The following BCAR3 variants were observed in gnomAD, a reference collection of about 807,000 sequenced individuals.
BCAR3 encodes breast cancer anti-estrogen resistance protein 3.
Under a neutral mutation model 80.1 loss-of-function variants are expected in BCAR3, and 37 were observed. The ratio of observed to expected loss-of-function variants is 0.46; its 90% confidence interval spans 0.36 to 0.61. The LOEUF is 0.61. BCAR3 is among the 20% of genes least tolerant of loss of function. The pLI is 0.00. For missense variants in BCAR3, 978 were observed against 1,068.2 expected, an observed-to-expected ratio of 0.92 and a Z score of 1.18; for synonymous variants, 389 against 418.9, an observed-to-expected ratio of 0.93 and a Z score of 0.87.
intron 3 of BCAR3, among the ~76,000 whole-genome samples, chr1:93,618,620 A>C (rs1257034465): frequency 6.6e-6 from 1 of 152,212 alleles, no homozygotes; most frequent in Non-Finnish European, 1.5e-5. Flanking sequence ...ACTACCACCT[A>C]GTTCCTGGTG....
At chr1:93,674,553 A>G in intron 2 of BCAR3, 61 bp downstream of exon 2, 1 of 1,565,480 alleles carries the variant, frequency 6.4e-7, no homozygotes, top group Non-Finnish European at 8.7e-7. Flanking sequence ...CCCGGCCATA[A>G]AAACCTTTTA....
At chr1:93,660,470 C>T (rs142259276) in intron 2 of BCAR3, among the ~76,000 whole-genome samples, 231 of 152,298 alleles carry the variant, frequency 1.5e-3, no homozygotes, top group African/African-American at 5.2e-3. Context: ...ACCATAGGGC[C>T]ATTTCTATCT....
chr1:93,845,502 A>ATCTATATCTATATCTCATGTTGTCAAG lies in BCAR3; in HGVS notation c.-63+64_-63+65insCTTGACAACATGAGATATAGATATAGA. On this transcript the variant is annotated intron_variant, in intron 2 of 13. Transcript: ENST00000370244. ...TATATATATATATATATATATATATAAAACTTTGTTTACATTAGAGTATAA... is the reference window on the plus strand; with the variant it reads ...TATATATATATATATATATATATATATCTATATCTATATCTCATGTTGTCAAGAAACTTTGTTTACATTAGAGTATAA... 1.1e-4 allele frequency: 13 copies of ATCTATATCTATATCTCATGTTGTCAAG among 113,822 alleles called. 2 individuals carry two copies. The highest frequency in any genetic ancestry group is 4.7e-3 in the Middle Eastern group (1 of 212). The allele number at this position is 113,822 out of a possible 1,614,324, so 7.1% of individuals were successfully genotyped here. A position where few individuals can be genotyped will look rare whatever the true frequency, so the allele number is the denominator to read the frequency against.
chr1:93,774,058 G>A lies in BCAR3; in HGVS notation c.-62-67916C>T, dbSNP rs186548976. Among the ~76,000 whole-genome samples the A allele has an allele frequency of 7.2e-5, 11 of 152,236 alleles. No individual in the cohort carries two copies. The East Asian group carries it at 1.2e-3, about 16-fold the overall frequency. ...TTAAAGTAAGCATATGCTTGTCTTC[G>A]AATAACTATCAATTGGCCACATTTC... On this transcript the variant is annotated intron_variant, in intron 2 of 13. Transcript: ENST00000370244.
At chr1:93,622,955 T>C (rs543380112) in intron 3 of BCAR3, among the ~76,000 whole-genome samples, 55 of 152,246 alleles carry the variant, frequency 3.6e-4, no homozygotes, top group African/African-American at 1.3e-3. Flanking sequence ...TGGGTAACTA[T>C]CCAGGAACAC....
chr1:93,827,427 A>T (rs867026306), intron 2 of BCAR3, among the ~76,000 whole-genome samples: 1 of 152,094 alleles, frequency 6.6e-6, no homozygotes, highest in Admixed American at 6.5e-5. Flanking sequence ...GACTTTACAT[A>T]GCAGGGGAGT....
intron 3 of BCAR3, among the ~76,000 whole-genome samples, chr1:93,610,862 C>T (rs929575264): frequency 6.6e-6 from 1 of 151,298 alleles, no homozygotes; most frequent in East Asian, 1.9e-4. Flanking sequence ...CAGGAGAAGG[C>T]GGAGGTTGTA....
chr1:93,570,658 G>A (rs1380166862), intron 9 of BCAR3, among the ~76,000 whole-genome samples: 1 of 152,212 alleles, frequency 6.6e-6, no homozygotes, highest in African/African-American at 2.4e-5. Context: ...TCTGTTTTAG[G>A]TGACCTGAGA....
At chr1:93,692,352 A>C (rs546741532) in intron 3 of BCAR3, among the ~76,000 whole-genome samples, 1 of 152,368 alleles carries the variant, frequency 6.6e-6, no homozygotes, top group South Asian at 2.1e-4. Flanking sequence ...TGCTGTCGAC[A>C]GTACTGAGGT....
intron 3 of BCAR3, among the ~76,000 whole-genome samples, chr1:93,612,303 G>A (rs180870848): frequency 3.4e-4 from 52 of 152,216 alleles, no homozygotes; most frequent in Admixed American, 2.9e-3. Flanking sequence ...AAGTCCAGGC[G>A]GAAAGAAGGG....
intron 2 of BCAR3, among the ~76,000 whole-genome samples, chr1:93,731,760 C>A (rs1388721702): frequency 1.3e-5 from 2 of 152,204 alleles, no homozygotes; most frequent in Non-Finnish European, 2.9e-5. Context: ...TGAGAGATTA[C>A]AAAATGAGAT....
intron 3 of BCAR3, among the ~76,000 whole-genome samples, chr1:93,632,407 C>T (rs1675652917): frequency 6.6e-6 from 1 of 152,154 alleles, no homozygotes; most frequent in Non-Finnish European, 1.5e-5. Flanking sequence ...TCAGTAGAAA[C>T]TGTACTTCAA....
intron 3 of BCAR3, among the ~76,000 whole-genome samples, chr1:93,617,361 T>G (rs1453134410): frequency 6.6e-6 from 1 of 152,132 alleles, no homozygotes; most frequent in Non-Finnish European, 1.5e-5. Flanking sequence ...ATCTGGAACG[T>G]AATACTGCCC....
At chr1:93,589,669 C>T (rs1674092040) in intron 4 of BCAR3, among the ~76,000 whole-genome samples, 1 of 152,200 alleles carries the variant, frequency 6.6e-6, no homozygotes, top group Admixed American at 6.5e-5. Flanking sequence ...CAGTGGCACA[C>T]AAGAGCCCAC....
intron 2 of BCAR3, among the ~76,000 whole-genome samples, chr1:93,673,193 C>T (rs1225445345): frequency 6.6e-6 from 1 of 152,212 alleles, no homozygotes; most frequent in Non-Finnish European, 1.5e-5. Flanking sequence ...GTATAATCTG[C>T]AGTTGTCTTA....
intron 2 of BCAR3, among the ~76,000 whole-genome samples, chr1:93,836,122 ACCT>A (rs1007300830): frequency 2.0e-5 from 3 of 152,152 alleles, no homozygotes; most frequent in Non-Finnish European, 4.4e-5. Context: ...CAGTACTCTT[ACCT>A]CTTGCCCTTC....
intron 3 of BCAR3, among the ~76,000 whole-genome samples, chr1:93,608,163 A>G (rs1253547755): frequency 3.3e-5 from 5 of 152,258 alleles, no homozygotes; most frequent in Non-Finnish European, 7.3e-5. Context: ...ACTAAAAGAC[A>G]TGAAACATAG....
intron 11 of BCAR3, among the ~76,000 whole-genome samples, chr1:93,567,045 C>T (rs1278848512): frequency 1.3e-5 from 2 of 152,090 alleles, no homozygotes; most frequent in Non-Finnish European, 2.9e-5. Context: ...TTTCTTGACC[C>T]CTTCTCTCTG....
intron 2 of BCAR3, among the ~76,000 whole-genome samples, chr1:93,784,318 G>C (rs1652868579): frequency 6.6e-6 from 1 of 152,118 alleles, no homozygotes; most frequent in African/African-American, 2.4e-5. Context: ...CTAAAATTTA[G>C]GATTATGGTT....
Sources: gnomAD v4.1 joint callset for allele counts (sites outside exome capture counted in the v4.1 genomes callset) on GRCh38, gnomAD v4.1.1 for gene constraint, MANE v1.5 for transcripts, NCBI Gene and HGNC (gene_info 2026-07-23, HGNC 2026-07-21) for gene names.